FRMPD1: variants seen among roughly 807,000 people sequenced by gnomAD.
The protein encoded by FRMPD1 is FERM and PDZ domain-containing protein 1.
A neutral mutation model predicts 117.8 loss-of-function variants in FRMPD1; 76 were observed. That is an observed-to-expected ratio of 0.65 (90% CI 0.54 to 0.78). The LOEUF is 0.78. Ranked by LOEUF, FRMPD1 falls within the 30% of genes least tolerant of loss-of-function variation. FRMPD1 has a pLI of 0.00. For missense variants in FRMPD1, 1,786 were observed against 1,964.5 expected (o/e 0.91, Z 1.72); for synonymous variants, 783 against 770.4 (o/e 1.02, Z -0.27).
At chr9:37,615,818 CT>C in the FRMPD1 span, among the ~76,000 whole-genome samples, 139 of 145,286 alleles carry the variant, frequency 9.6e-4, no homozygotes, top group Middle Eastern at 3.6e-3. Flanking sequence ...CACATCTGTT[CT>C]TTTTTTTTTT....
chr9:37,669,302 G>T (rs1821268889), intron 1 of FRMPD1, among the ~76,000 whole-genome samples: 1 of 152,170 alleles, frequency 6.6e-6, no homozygotes, highest in African/African-American at 2.4e-5. Flanking sequence ...TTCCTTTGAT[G>T]GTCTGCATTG....
intron 1 of FRMPD1, among the ~76,000 whole-genome samples, chr9:37,662,626 T>C (rs1821034687): frequency 1.3e-5 from 2 of 152,210 alleles, no homozygotes; most frequent in Non-Finnish European, 2.9e-5. Flanking sequence ...TGTTTGTTAC[T>C]ACATAAAAAT....
chr9:37,626,784 T>C, the FRMPD1 span, among the ~76,000 whole-genome samples: 10 of 151,974 alleles, frequency 6.6e-5, no homozygotes, highest in African/African-American at 2.4e-4. Flanking sequence ...GAGAGCCCTG[T>C]CTCAGAGAGA....
chr9:37,692,948 C>T (rs1822195746), intron 2 of FRMPD1, among the ~76,000 whole-genome samples: 2 of 152,132 alleles, frequency 1.3e-5, no homozygotes, highest in Non-Finnish European at 2.9e-5. Flanking sequence ...CCTACACACA[C>T]ACAGAGACAC....
chr9:37,669,275 G>A (rs1246787677), intron 1 of FRMPD1, among the ~76,000 whole-genome samples: 1 of 152,182 alleles, frequency 6.6e-6, no homozygotes, highest in Non-Finnish European at 1.5e-5. Context: ...CTGATCCCTT[G>A]ACCTTGACTT....
chr9:37,735,474 G>C, intron 12 of FRMPD1, 78 bp from the exon 13 acceptor site: 1 of 1,045,722 alleles, frequency 9.6e-7, no homozygotes, highest in Non-Finnish European at 1.5e-6. Context: ...TTTGCAGCGA[G>C]AGGTATTATT....
intron 1 of FRMPD1, among the ~76,000 whole-genome samples, chr9:37,686,330 C>T (rs1226931590): frequency 1.3e-5 from 2 of 152,162 alleles, no homozygotes; most frequent in East Asian, 3.9e-4. Flanking sequence ...TGGAATTCAG[C>T]TTTATGTAAA....
intron 4 of FRMPD1, 59 bp downstream of exon 4, chr9:37,708,560 G>A: frequency 9.7e-7 from 1 of 1,032,958 alleles, no homozygotes. Flanking sequence ...AACAAAGATG[G>A]GCAACAGGAA....
intron 1 of FRMPD1, among the ~76,000 whole-genome samples, chr9:37,651,527 AT>A (rs1032631302): frequency 6.6e-6 from 1 of 152,176 alleles, no homozygotes; most frequent in African/African-American, 2.4e-5. Context: ...CTGTGTTGTC[AT>A]TTTTTGAGTA....
Position 37,736,854 on chromosome 9 carries a change from TGA to T in FRMPD1, c.1402-238_1402-237del, listed in dbSNP as rs1426187632. 1.1e-4 allele frequency among the ~76,000 whole-genome samples: 16 copies of T among 143,410 alleles called. No homozygotes were observed. The South Asian group carries it at 3.2e-3, about 29-fold the overall frequency. 94.1% of individuals were successfully genotyped at this position (143,410 alleles called of 152,430 possible). ...GTGTGTGAGTGAGTGTGTGAGTGCG[TGA>T]GAGTGTGTGTGTGTGTGTGTGTATG... On this transcript the variant is annotated intron_variant, in intron 13 of 15. Coordinates refer to ENST00000377765, the MANE Select transcript of FRMPD1 (RefSeq NM_014907.3).
chr9:37,605,429 A>T, the FRMPD1 span, among the ~76,000 whole-genome samples: 351 of 152,300 alleles, frequency 2.3e-3, 1 homozygote, highest in African/African-American at 7.8e-3. Flanking sequence ...CCCAGAGCTG[A>T]CGGAGATGAG....
rs1289127827 is a variant in FRMPD1, at chr9:37,741,509, CAT to C, written c.2356+628_2356+629del. Among the ~76,000 whole-genome samples the C allele has an allele frequency of 1.1e-4, 17 of 149,936 alleles. 1 individual carries two copies. The highest frequency in any genetic ancestry group is 2.4e-4 in the Non-Finnish European group (16 of 67,810). On this transcript the variant is annotated intron_variant, in intron 15 of 15. Transcript: ENST00000377765. The stretch of plus-strand genomic sequence containing the variant: ...CACACACACTGCATTCTGAAGGAAA[CAT>C]ATTGGAAAAGAGCACATGGATGTTG...
chr9:37,742,121 G>A (rs761017022), intron 15 of FRMPD1, among the ~76,000 whole-genome samples: 21 of 152,152 alleles, frequency 1.4e-4, no homozygotes, highest in Non-Finnish European at 2.2e-4. Context: ...AGCACACAGC[G>A]TCTAGCAATT....
chr9:37,732,286 C>A lies in FRMPD1; in HGVS notation c.859-18C>A. 1 of 1,612,140 alleles carries A rather than the reference C, an allele frequency of 6.2e-7. No individual in the cohort carries two copies. Among genetic ancestry groups the A allele is most frequent in the South Asian group, 1.1e-5 (1 of 90,964 alleles). Reference sequence around the variant, plus strand: ...TGTCTGCTTTTGTTTCCCATCTGCTCTATTTAATCTCTTCTAGAGCTGCAG... The same window carrying A: ...TGTCTGCTTTTGTTTCCCATCTGCTATATTTAATCTCTTCTAGAGCTGCAG... On this transcript the variant is annotated intron_variant, in intron 9 of 15. Coordinates refer to ENST00000377765, the MANE Select transcript of FRMPD1 (RefSeq NM_014907.3).
At chr9:37,726,712 T>A (rs1428308510) in intron 7 of FRMPD1, among the ~76,000 whole-genome samples, 3 of 151,546 alleles carry the variant, frequency 2.0e-5, no homozygotes, top group African/African-American at 7.3e-5. Context: ...AAAATAAATA[T>A]AAATAAATAA....
the FRMPD1 span, among the ~76,000 whole-genome samples, chr9:37,621,054 T>C: frequency 6.6e-6 from 1 of 152,270 alleles, no homozygotes; most frequent in African/African-American, 2.4e-5. Context: ...TCCAAAATGA[T>C]AGTCGAAATT....
At chr9:37,654,738 G>C (rs1238333491) in intron 1 of FRMPD1, among the ~76,000 whole-genome samples, 1 of 152,228 alleles carries the variant, frequency 6.6e-6, no homozygotes, top group Non-Finnish European at 1.5e-5. Context: ...CTTGGTGCAT[G>C]TACAACTAGA....
At chr9:37,732,519 G>T in intron 10 of FRMPD1, 79 bp downstream of exon 10, 1 of 1,389,356 alleles carries the variant, frequency 7.2e-7, no homozygotes, top group Non-Finnish European at 9.7e-7. Context: ...GCCACAGAAA[G>T]CTGATAGTCA....
At chr9:37,638,037 CCTTT>C in the FRMPD1 span, among the ~76,000 whole-genome samples, 2 of 112,040 alleles carry the variant, frequency 1.8e-5, no homozygotes, top group African/African-American at 6.7e-5. Flanking sequence ...TCTCTTTCTT[CCTTT>C]CTTTCTTTCC....
Sources: allele counts gnomAD v4.1 joint callset (sites outside exome capture counted in the v4.1 genomes callset), GRCh38; gene constraint gnomAD v4.1.1; transcripts MANE v1.5; gene names NCBI Gene and HGNC (gene_info 2026-07-23, HGNC 2026-07-21).